NALCN: variants seen among roughly 807,000 people sequenced by gnomAD.
The protein encoded by NALCN is sodium leak channel NALCN.
In NALCN, 111 loss-of-function variants were observed where a neutral mutation model predicts 225.3. The observed-to-expected ratio is 0.49, with a 90% confidence interval of 0.42 to 0.58. NALCN has a LOEUF of 0.58. NALCN is among the 20% of genes least tolerant of loss of function. NALCN has a pLI of 0.00. For missense variants in NALCN, 1,378 were observed against 2,202.4 expected, an observed-to-expected ratio of 0.63 and a Z score of 7.49; for synonymous variants, 764 against 769.0, an observed-to-expected ratio of 0.99 and a Z score of 0.11.
intron 3 of NALCN, among the ~76,000 whole-genome samples, chr13:101,384,754 A>G (rs756599091): frequency 1.6e-4 from 24 of 152,138 alleles, no homozygotes; most frequent in African/African-American, 1.7e-4. Context: ...ACCTCTAGGG[A>G]TTTGGTGAGT....
chr13:101,332,846 T>TA (rs11377506), intron 7 of NALCN, among the ~76,000 whole-genome samples: 19,656 of 152,194 alleles, frequency 0.13, 2,223 homozygotes, highest in African/African-American at 0.31. Context: ...AAAGTTATAG[T>TA]AAAAAAGTTT....
chr13:101,167,876 G>A (rs1306402011), intron 15 of NALCN, among the ~76,000 whole-genome samples: 1 of 150,864 alleles, frequency 6.6e-6, no homozygotes, highest in African/African-American at 2.4e-5. Context: ...TCGAATCATC[G>A]TAAGTCAGAA....
chr13:101,377,689 T>A (rs765815018), intron 4 of NALCN, among the ~76,000 whole-genome samples: 14 of 152,142 alleles, frequency 9.2e-5, no homozygotes, highest in Non-Finnish European at 1.9e-4. Flanking sequence ...GAATTCTGAA[T>A]TTTTAAATAA....
chr13:101,205,267 C>T (rs1184995383), intron 13 of NALCN, among the ~76,000 whole-genome samples: 1 of 151,924 alleles, frequency 6.6e-6, no homozygotes, highest in East Asian at 1.9e-4. Context: ...AAATAGATAT[C>T]CTCAGTATTT....
At chr13:101,188,746 A>G (rs2039558005) in intron 14 of NALCN, among the ~76,000 whole-genome samples, 1 of 149,582 alleles carries the variant, frequency 6.7e-6, no homozygotes, top group South Asian at 2.1e-4. Context: ...GTACAACAGC[A>G]TGATCTCGGC....
intron 6 of NALCN, among the ~76,000 whole-genome samples, chr13:101,355,177 G>A (rs1216211922): frequency 6.6e-6 from 1 of 152,118 alleles, no homozygotes; most frequent in Non-Finnish European, 1.5e-5. Context: ...CAGGTGCCTG[G>A]TGCCATGCTT....
intron 28 of NALCN, among the ~76,000 whole-genome samples, chr13:101,092,506 T>C (rs1241046388): frequency 1.3e-5 from 2 of 152,162 alleles, no homozygotes; most frequent in African/African-American, 4.8e-5. Flanking sequence ...TAGACTTTCC[T>C]CCTCACCTGC....
intron 39 of NALCN, among the ~76,000 whole-genome samples, chr13:101,066,330 A>T (rs1201337640): frequency 6.7e-6 from 1 of 149,878 alleles, no homozygotes; most frequent in Non-Finnish European, 1.5e-5. Flanking sequence ...AAAAAGAGCT[A>T]ACTAACTCCT....
At chr13:101,084,117 T>G (rs1030082714) in intron 30 of NALCN, among the ~76,000 whole-genome samples, 6 of 152,220 alleles carry the variant, frequency 3.9e-5, no homozygotes, top group African/African-American at 1.4e-4. Flanking sequence ...AAAAGGATAC[T>G]CACTAATAGT....
chr13:101,391,514 C>T (rs2047144472), intron 3 of NALCN, among the ~76,000 whole-genome samples: 1 of 151,766 alleles, frequency 6.6e-6, no homozygotes, highest in Non-Finnish European at 1.5e-5. Context: ...AAGACCCTGT[C>T]TCTAAAAAAA....
At chr13:101,139,337 T>C (rs1485227783) in intron 17 of NALCN, among the ~76,000 whole-genome samples, 3 of 152,184 alleles carry the variant, frequency 2.0e-5, no homozygotes, top group Non-Finnish European at 4.4e-5. Flanking sequence ...CTGTCAGTTG[T>C]TGTTTTTTTC....
At chr13:101,057,265 T>C (rs569338557) in intron 43 of NALCN, 2 of 152,812 alleles carry the variant, frequency 1.3e-5, no homozygotes, top group African/African-American at 4.8e-5. Context: ...GTGCTCTTAA[T>C]GGGATTATCC....
chr13:101,261,477 C>A (rs923447013), intron 10 of NALCN, among the ~76,000 whole-genome samples: 1 of 152,142 alleles, frequency 6.6e-6, no homozygotes. Context: ...TTCTTCCAAT[C>A]CATGAATATG....
intron 10 of NALCN, among the ~76,000 whole-genome samples, chr13:101,261,138 G>A (rs970203119): frequency 6.6e-6 from 1 of 152,164 alleles, no homozygotes; most frequent in Admixed American, 6.5e-5. Flanking sequence ...CCCAGTGTAT[G>A]TTCTTGGCAC....
At chr13:101,411,180 T>C (rs941524045) in intron 1 of NALCN, among the ~76,000 whole-genome samples, 2 of 152,008 alleles carry the variant, frequency 1.3e-5, no homozygotes, top group African/African-American at 4.8e-5. Context: ...TCATTCATGT[T>C]TTCATTCTTA....
chr13:101,302,542 T>C (rs539693263), intron 7 of NALCN, among the ~76,000 whole-genome samples: 1 of 152,254 alleles, frequency 6.6e-6, no homozygotes, highest in South Asian at 2.1e-4. Context: ...AAATAACACA[T>C]GGAATTAACT....
At position 101,319,918 on chromosome 13, in the gene NALCN, AT is replaced by A. The variant is rs567870135; in HGVS notation, c.799+25347del. Among the ~76,000 whole-genome samples, 41 of 152,326 alleles carry A rather than the reference AT, an allele frequency of 2.7e-4. No homozygotes were observed. In the East Asian group the frequency reaches 6.9e-3, roughly 26 times the overall value. On this transcript the variant is annotated intron_variant, in intron 7 of 43. Transcript: ENST00000251127. ...TATTCTATTCCCTAAGCATCTGTGGATTTTTAAATAGGTCTTTTTCTTTTAA... is the reference window on the plus strand; with the variant it reads ...TATTCTATTCCCTAAGCATCTGTGGATTTTAAATAGGTCTTTTTCTTTTAA...
intron 10 of NALCN, among the ~76,000 whole-genome samples, chr13:101,269,949 A>G (rs1250533820): frequency 1.3e-5 from 2 of 152,228 alleles, no homozygotes; most frequent in African/African-American, 4.8e-5. Flanking sequence ...AATAAAAATA[A>G]GAATATTAGT....
chr13:101,319,541 T>C (rs1360048527), intron 7 of NALCN, among the ~76,000 whole-genome samples: 1 of 152,222 alleles, frequency 6.6e-6, no homozygotes, highest in East Asian at 1.9e-4. Context: ...TATATTTGAT[T>C]ACATGTTTTT....
Sources: gnomAD v4.1 joint callset for allele counts (sites outside exome capture counted in the v4.1 genomes callset) on GRCh38, gnomAD v4.1.1 for gene constraint, MANE v1.5 for transcripts, NCBI Gene and HGNC (gene_info 2026-07-23, HGNC 2026-07-21) for gene names.